Variants in CMTM4 observed in about 807,000 individuals in gnomAD.
The protein encoded by CMTM4 is CKLF like MARVEL transmembrane domain containing 4, also known as CKLF-like MARVEL transmembrane domain-containing protein 4.
In CMTM4, 8 loss-of-function variants were observed where a neutral mutation model predicts 19.0. The ratio of observed to expected loss-of-function variants is 0.42; its 90% CI spans 0.25 to 0.76. The LOEUF (loss-of-function observed/expected upper bound fraction) is 0.76. Ranked by LOEUF, CMTM4 falls within the 30% of genes least tolerant of loss-of-function variation. The pLI is 0.27. For missense variants in CMTM4, 228 were observed against 290.2 expected, an observed-to-expected ratio of 0.79 and a Z score of 1.56; for synonymous variants, 106 against 121.1, an observed-to-expected ratio of 0.88 and a Z score of 0.82.
At position 66,620,545 on chromosome 16, in the gene CMTM4, C is replaced by G; in HGVS notation, c.*1513G>C. ...TCCTTTTCTGGGGAATGAGACGCCA[C>G]ATGTCCATAAGGTGACGCTTTCTTG... On this transcript the variant is annotated 3_prime_UTR_variant, in exon 4 of 4. Transcript: ENST00000394106. 1.0e-6 allele frequency: 1 copy of G among 985,514 alleles called. No homozygotes were observed. The highest frequency in any genetic ancestry group is 1.2e-6 in the Non-Finnish European group (1 of 829,998). 61.0% of individuals were successfully genotyped at this position (985,514 alleles called of 1,614,324 possible). A position where few individuals can be genotyped will look rare whatever the true frequency, so the allele number is the denominator to read the frequency against.
chr16:66,620,378 G>T lies in CMTM4; in HGVS notation c.*1680C>A. On this transcript the variant is annotated 3_prime_UTR_variant, in exon 4 of 4. Coordinates refer to ENST00000394106, the MANE Select transcript of CMTM4 (RefSeq NM_181521.3). The stretch of plus-strand genomic sequence containing the variant: ...CAGGCTAGCAGGGTCAGCCCCTGAG[G>T]CAGACGTGGTGCTCAGCCACATAGC... 1 of 985,492 alleles carries T rather than the reference G, an allele frequency of 1.0e-6. No homozygotes were observed. The highest frequency in any genetic ancestry group is 1.2e-6 in the Non-Finnish European group (1 of 829,972). The allele number at this position is 985,492 out of a possible 1,614,324, so 61.0% of individuals were successfully genotyped here. A position where few individuals can be genotyped will look rare whatever the true frequency, so the allele number is the denominator to read the frequency against.
intron 2 of CMTM4, among the ~76,000 whole-genome samples, chr16:66,629,942 TC>T (rs767669186): frequency 1.9e-4 from 29 of 152,314 alleles, no homozygotes; most frequent in Non-Finnish European, 4.0e-4. Flanking sequence ...ATGTGGCTGT[TC>T]CTGAGTTGTA....
intron 1 of CMTM4, among the ~76,000 whole-genome samples, chr16:66,661,042 T>C (rs1233317839): frequency 6.6e-6 from 1 of 152,202 alleles, no homozygotes; most frequent in Non-Finnish European, 1.5e-5. Context: ...CATTAAACCA[T>C]GTCCACAGGC....
chr16:66,657,126 C>T (rs2016412137), intron 1 of CMTM4, among the ~76,000 whole-genome samples: 1 of 150,974 alleles, frequency 6.6e-6, no homozygotes, highest in Non-Finnish European at 1.5e-5. Context: ...GCTCTGTCAC[C>T]CAGGCTGGAG....
At chr16:66,609,386 G>C in the CMTM4 span, 1 of 1,537,256 alleles carries the variant, frequency 6.5e-7, no homozygotes, top group South Asian at 1.1e-5. The surrounding 1 kb of genome is among the most constrained non-coding windows in gnomAD (Gnocchi z 4.4). Context: ...TCCTCCCCAT[G>C]CTGTGCTCAG....
At chr16:66,672,241 T>TA (rs2016720843) in intron 1 of CMTM4, among the ~76,000 whole-genome samples, 1 of 144,640 alleles carries the variant, frequency 6.9e-6, no homozygotes, top group African/African-American at 2.5e-5. Flanking sequence ...CTACTAAAAA[T>TA]ACAAAAAAAA....
intron 2 of CMTM4, among the ~76,000 whole-genome samples, chr16:66,632,220 G>T (rs770037528): frequency 5.9e-5 from 9 of 152,228 alleles, no homozygotes; most frequent in African/African-American, 1.2e-4. Flanking sequence ...CCACCAGGAT[G>T]TTGAGTGGGG....
chr16:66,696,653 CCCG>C lies in CMTM4; in HGVS notation c.-131_-129del, dbSNP rs965818071. On this transcript the variant is annotated 5_prime_UTR_variant, in exon 1 of 4. Coordinates refer to ENST00000394106, the MANE Select transcript of CMTM4 (RefSeq NM_181521.3). This position sits in a 1 kb window ranked among gnomAD's most constrained non-coding sequence, Gnocchi z 4.3. Reference sequence around the variant, plus strand: ...CGCCCGACTGACTGCCCGCGGCCCGCCCGCCGCCGCCGCCTCTCGCCCGCCGCC... The same window carrying C: ...CGCCCGACTGACTGCCCGCGGCCCGCCCGCCGCCGCCTCTCGCCCGCCGCC... 159 of 392,082 alleles carry C rather than the reference CCCG, an allele frequency of 4.1e-4. No homozygotes were observed. Among genetic ancestry groups the C allele is most frequent in the Non-Finnish European group, 4.5e-4 (132 of 290,218 alleles). 24.3% of individuals were successfully genotyped at this position (392,082 alleles called of 1,614,324 possible).
chr16:66,621,167 C>T lies in CMTM4; in HGVS notation c.*891G>A, dbSNP rs543197993. On this transcript the variant is annotated 3_prime_UTR_variant, in exon 4 of 4. Transcript: ENST00000394106. Reference sequence around the variant, plus strand: ...AGGGGTGTGTGTGTGCATGTGTGCGCGCACGCGTGTGCATGCTGTTTTTTA... The same window carrying T: ...AGGGGTGTGTGTGTGCATGTGTGCGTGCACGCGTGTGCATGCTGTTTTTTA... The T allele has an allele frequency of 1.7e-4, 166 of 985,678 alleles. No homozygotes were observed. The highest frequency in any genetic ancestry group is 6.8e-4 in the African/African-American group (39 of 57,330). The allele number at this position is 985,678 out of a possible 1,614,324, so 61.1% of individuals were successfully genotyped here.
chr16:66,689,140 G>A (rs992869828), intron 1 of CMTM4, among the ~76,000 whole-genome samples: 4 of 151,980 alleles, frequency 2.6e-5, no homozygotes, highest in Admixed American at 1.3e-4. Context: ...TTTTTGCAAC[G>A]GCTAGGACTT....
chr16:66,692,052 CTATT>C (rs900743840), intron 1 of CMTM4, among the ~76,000 whole-genome samples: 41 of 151,136 alleles, frequency 2.7e-4, no homozygotes, highest in Non-Finnish European at 5.0e-4. Flanking sequence ...TTAAGGTTGA[CTATT>C]TATCGAAAGC....
At chr16:66,683,099 TAG>T (rs1383728639) in intron 1 of CMTM4, among the ~76,000 whole-genome samples, 3 of 142,616 alleles carry the variant, frequency 2.1e-5, no homozygotes, top group African/African-American at 5.2e-5. Flanking sequence ...CCACCTCAAA[TAG>T]AGTCTAGTTG....
chr16:66,642,247 A>C (rs1321541658), intron 1 of CMTM4, among the ~76,000 whole-genome samples: 1 of 152,236 alleles, frequency 6.6e-6, no homozygotes, highest in Non-Finnish European at 1.5e-5. Context: ...TTCAACTTAT[A>C]ACAACCTTGA....
intron 1 of CMTM4, among the ~76,000 whole-genome samples, chr16:66,684,266 G>A (rs914811691): frequency 1.3e-5 from 2 of 151,830 alleles, no homozygotes; most frequent in Non-Finnish European, 2.9e-5. Context: ...TCCACCTCCC[G>A]GGGTTCAAGC....
chr16:66,688,336 T>C (rs1021881119), intron 1 of CMTM4, among the ~76,000 whole-genome samples: 10 of 152,166 alleles, frequency 6.6e-5, no homozygotes, highest in African/African-American at 2.4e-4. Context: ...ACGTGGTGTC[T>C]TGAGACGCTG....
chr16:66,623,128 C>T (rs2015670825), intron 3 of CMTM4, among the ~76,000 whole-genome samples: 2 of 152,216 alleles, frequency 1.3e-5, no homozygotes, highest in African/African-American at 2.4e-5. Context: ...CTTGAGAGCA[C>T]ATCTGTATCA....
At chr16:66,605,620 AC>A in the CMTM4 span, 2 of 153,756 alleles carry the variant, frequency 1.3e-5, no homozygotes, top group African/African-American at 4.8e-5. The surrounding 1 kb of genome is among the most constrained non-coding windows in gnomAD (Gnocchi z 4.6). Context: ...CGGGCCGGAG[AC>A]CGGGGGAGGC....
chr16:66,612,363 G>C (rs2015409866), downstream of CMTM4, among the ~76,000 whole-genome samples: 3 of 152,134 alleles, frequency 2.0e-5, no homozygotes, highest in Admixed American at 6.5e-5. The surrounding 1 kb of genome is among the most constrained non-coding windows in gnomAD (Gnocchi z 6.0). Context: ...TGATGAGCAA[G>C]ACTCTGTCTC....
chr16:66,612,155 C>T (rs1724622326), downstream of CMTM4, among the ~76,000 whole-genome samples: 1 of 152,188 alleles, frequency 6.6e-6, no homozygotes, highest in Non-Finnish European at 1.5e-5. This position sits in a 1 kb window ranked among gnomAD's most constrained non-coding sequence, Gnocchi z 6.0. Context: ...TGGCTCACGC[C>T]TGTTACCCCA....
Sources: allele counts gnomAD v4.1 joint callset (sites outside exome capture counted in the v4.1 genomes callset), GRCh38; gene constraint gnomAD v4.1.1; non-coding constraint Gnocchi (gnomAD v3.1); transcripts MANE v1.5; gene names NCBI Gene and HGNC (gene_info 2026-07-23, HGNC 2026-07-21).